The following TFEB variants were observed in gnomAD, a reference collection of about 807,000 sequenced individuals.
TFEB encodes the protein T-cell transcription factor EB.
Under a neutral mutation model 48.0 loss-of-function variants are expected in TFEB, and 12 were observed. The ratio of observed to expected loss-of-function variants is 0.25; its 90% CI spans 0.16 to 0.40. The LOEUF is 0.40. Among genes scored for constraint, TFEB ranks in the 10% least tolerant of loss-of-function variants. The probability of loss-of-function intolerance (pLI) is 1.00; values close to 1 mark genes in which losing one functional copy is unlikely to be tolerated. For missense variants in TFEB, 509 were observed against 640.3 expected (o/e 0.79, Z 2.21); for synonymous variants, 244 against 261.4 (o/e 0.93, Z 0.64).
chr6:41,714,163 GTGCATGTGTGCGTGTGTGTGCATGTGCA>G (rs1770620001), intron 1 of TFEB, among the ~76,000 whole-genome samples: 1 of 135,708 alleles, frequency 7.4e-6, no homozygotes, highest in Admixed American at 7.2e-5. Context: ...GTGCATGCGT[GTGCATGTGTGCGTGTGTGTGCATGTGCA>G]TGCATGTGCG....
chr6:41,702,966 A>G (rs929808818), intron 1 of TFEB, among the ~76,000 whole-genome samples: 1 of 152,162 alleles, frequency 6.6e-6, no homozygotes, highest in Admixed American at 6.5e-5. Context: ...TTCTGGCAGC[A>G]TGGATGTGTG....
At chr6:41,702,735 T>A (rs557383933) in intron 1 of TFEB, among the ~76,000 whole-genome samples, 11 of 152,142 alleles carry the variant, frequency 7.2e-5, no homozygotes, top group Non-Finnish European at 1.5e-4. Context: ...CTGAGATGAG[T>A]CTGTTTTGCA....
Position 41,689,815 on chromosome 6 carries a change from G to C in TFEB, c.469-4C>G, listed in dbSNP as rs775148831. ...TGTTGTCAATGACATCATCCAACTG[G>C]AAAAGAGAAAAGTCCATCTGGGGAG... On this transcript the variant is annotated splice_region_variant and splice_polypyrimidine_tract_variant and intron_variant, in intron 3 of 8. Transcript: ENST00000373033. 1.9e-6 allele frequency: 3 copies of C among 1,613,278 alleles called. No homozygotes were observed. The highest frequency in any genetic ancestry group is 2.5e-6 in the Non-Finnish European group (3 of 1,179,446).
chr6:41,687,887 AG>A lies in TFEB; in HGVS notation c.670+20del. On this transcript the variant is annotated intron_variant, in intron 5 of 8. Coordinates refer to ENST00000373033, the MANE Select transcript of TFEB (RefSeq NM_001271944.2). ...GGAGGAGTCGGGTATTCAAAGGCAC[AG>A]GGGTAGAGGGAGGCAGTACCTGTGA... 6.2e-7 allele frequency: 1 copy of A among 1,610,320 alleles called. No individual in the cohort carries two copies. Among genetic ancestry groups the A allele is most frequent in the East Asian group, 2.2e-5 (1 of 44,744 alleles).
At position 41,734,962 on chromosome 6, in the gene TFEB, G is replaced by A. The variant is rs1771616261; in HGVS notation, c.-23+388C>T. The A allele has an allele frequency of 5.1e-6, 5 of 985,456 alleles. No individual in the cohort carries two copies. Among genetic ancestry groups the A allele is most frequent in the Non-Finnish European group, 6.0e-6 (5 of 829,976 alleles). The allele number at this position is 985,456 out of a possible 1,614,324, so 61.0% of individuals were successfully genotyped here. A position where few individuals can be genotyped will look rare whatever the true frequency, so the allele number is the denominator to read the frequency against. ...GTCCGGTGGAGGGGGAGTGGGCGCG[G>A]GGCCCGCGCGTCCCTCAAACTTCTT... On this transcript the variant is annotated intron_variant, in intron 1 of 8. Transcript: ENST00000373033. This position sits in a 1 kb window ranked among gnomAD's most constrained non-coding sequence, Gnocchi z 4.0.
At position 41,684,072 on chromosome 6, in the gene TFEB, G is replaced by A. The variant is rs1768856305; in HGVS notation, c.*527C>T. ...CCCTCCCGCTTCTGGCAGCCCCCGC[G>A]CTCACACCACCTGGTGGAGAGCTAT... is the stretch of plus-strand genomic sequence containing the variant. On this transcript the variant is annotated 3_prime_UTR_variant, in exon 9 of 9. Transcript: ENST00000373033. 8.7e-6 allele frequency: 2 copies of A among 230,560 alleles called. No individual in the cohort carries two copies. Among genetic ancestry groups the A allele is most frequent in the South Asian group, 1.8e-4 (1 of 5,522 alleles). The allele number at this position is 230,560 out of a possible 1,614,324, so 14.3% of individuals were successfully genotyped here.
chr6:41,722,536 T>C (rs1771025220), intron 1 of TFEB, among the ~76,000 whole-genome samples: 1 of 152,220 alleles, frequency 6.6e-6, no homozygotes, highest in African/African-American at 2.4e-5. Flanking sequence ...CTCACTGATA[T>C]AGCTGCCCTG....
Position 41,723,041 on chromosome 6 carries a change from T to C in TFEB, c.-23+12309A>G, listed in dbSNP as rs1056906427. Among the ~76,000 whole-genome samples the C allele has an allele frequency of 6.6e-6, 1 of 152,130 alleles. No homozygotes were observed. The highest frequency in any genetic ancestry group is 1.5e-5 in the Non-Finnish European group (1 of 68,010). On this transcript the variant is annotated intron_variant, in intron 1 of 8. Transcript: ENST00000373033. This position sits in a 1 kb window ranked among gnomAD's most constrained non-coding sequence, Gnocchi z 6.0. ...TAGAGCATATGCTCCCAGCCCCTAA[T>C]GTAAATGGGTATTCACTGTGGCCTG...
At chr6:41,729,015 G>C (rs373623429) in intron 1 of TFEB, among the ~76,000 whole-genome samples, 2 of 151,978 alleles carry the variant, frequency 1.3e-5, no homozygotes, top group African/African-American at 4.8e-5. Context: ...GGTACGGCAC[G>C]GACCAAAACA....
intron 1 of TFEB, among the ~76,000 whole-genome samples, chr6:41,702,437 T>C (rs1381104704): frequency 6.6e-6 from 1 of 151,752 alleles, no homozygotes; most frequent in Non-Finnish European, 1.5e-5. Flanking sequence ...GTGGTAAGGG[T>C]TGGGGGAGGA....
At chr6:41,688,192 TC>T in intron 4 of TFEB, 164 bp from the exon 5 acceptor site, 2 of 800,762 alleles carry the variant, frequency 2.5e-6, no homozygotes, top group Non-Finnish European at 3.8e-6. Context: ...GTCTGCAGAG[TC>T]CAGAGCTATT....
Position 41,692,791 on chromosome 6 carries a change from T to G in TFEB, c.-22-1556A>C, listed in dbSNP as rs142845989. Among the ~76,000 whole-genome samples the G allele has an allele frequency of 5.0e-3, 755 of 152,308 alleles. 23 individuals are homozygous for G. Among genetic ancestry groups the G allele is most frequent in the Admixed American group, 0.044 (671 of 15,300 alleles). On this transcript the variant is annotated intron_variant, in intron 1 of 8. Coordinates refer to ENST00000373033, the MANE Select transcript of TFEB (RefSeq NM_001271944.2). The stretch of plus-strand genomic sequence containing the variant: ...GGCTCCTGAGTGTGTCCAGACCCCA[T>G]GAAGGTCCTGGTAGGGGCTGGAGGG...
intron 1 of TFEB, among the ~76,000 whole-genome samples, chr6:41,708,042 C>T (rs913136521): frequency 4.6e-5 from 7 of 152,250 alleles, no homozygotes; most frequent in Admixed American, 2.0e-4. Flanking sequence ...GATGCCATGC[C>T]ACAGGGGCAT....
At chr6:41,722,626 G>A (rs759047714) in intron 1 of TFEB, among the ~76,000 whole-genome samples, 59 of 152,376 alleles carry the variant, frequency 3.9e-4, no homozygotes, top group Non-Finnish European at 6.6e-4. Context: ...CTCATGGGGT[G>A]ACTGAGGGTG....
intron 1 of TFEB, among the ~76,000 whole-genome samples, chr6:41,729,120 G>A (rs1771346086): frequency 6.6e-6 from 1 of 151,866 alleles, no homozygotes; most frequent in African/African-American, 2.4e-5. Flanking sequence ...CCTGCAGCAG[G>A]GCTGTGGGAC....
chr6:41,728,685 G>T (rs1280415305), intron 1 of TFEB, among the ~76,000 whole-genome samples: 1 of 152,148 alleles, frequency 6.6e-6, no homozygotes, highest in Non-Finnish European at 1.5e-5. Flanking sequence ...CTCGGGGAGG[G>T]GGGGTTGGGG....
Position 41,684,818 on chromosome 6 carries a change from G to A in TFEB, c.1212C>T (p.Gly404=). 6.3e-7 allele frequency: 1 copy of A among 1,595,228 alleles called. No homozygotes were observed. Among genetic ancestry groups the A allele is most frequent in the Non-Finnish European group, 8.5e-7 (1 of 1,169,612 alleles). ...AGCCCGGGGGACCCTCGTCCTCCCT[G>A]CCCCCAAAGCTCAGGCTGTGGCTGA... ...LDFSHSLSFG[G]REDEGPPGYP... Residue 404 remains glycine, a synonymous_variant, in exon 9 of 9, where the codon GGC becomes GGT. Transcript: ENST00000373033.
At chr6:41,715,515 C>T (rs1283489962) in intron 1 of TFEB, among the ~76,000 whole-genome samples, 1 of 152,004 alleles carries the variant, frequency 6.6e-6, no homozygotes, top group Non-Finnish European at 1.5e-5. Context: ...ACTAAAATTA[C>T]AAAAATTAGC....
At chr6:41,689,201 C>T (rs559824237) in intron 4 of TFEB, among the ~76,000 whole-genome samples, 1 of 152,272 alleles carries the variant, frequency 6.6e-6, no homozygotes, top group South Asian at 2.1e-4. Flanking sequence ...CACCTGCTAC[C>T]CCACCTCTGC....
Sources: allele counts gnomAD v4.1 joint callset (sites outside exome capture counted in the v4.1 genomes callset), GRCh38; gene constraint gnomAD v4.1.1; non-coding constraint Gnocchi (gnomAD v3.1); transcripts MANE v1.5; gene names NCBI Gene and HGNC (gene_info 2026-07-23, HGNC 2026-07-21).